Variants in CHD6 observed in about 807,000 individuals in gnomAD.
CHD6 encodes ATP-dependent chromatin remodeler CHD6.
CHD6 carries 50 observed loss-of-function variants against 276.9 expected under a neutral mutation model. That is an observed-to-expected ratio of 0.18 (90% CI 0.14 to 0.23). The LOEUF is 0.23. CHD6 is among the 10% of genes least tolerant of loss of function. CHD6 has a pLI of 1.00. For missense variants in CHD6, 2,564 were observed against 3,365.8 expected (o/e 0.76, Z 5.89); for synonymous variants, 1,173 against 1,229.3 (o/e 0.95, Z 0.96).
intron 18 of CHD6, 124 bp downstream of exon 18, chr20:41,457,140 T>TA (rs1169311833): frequency 3.6e-6 from 4 of 1,111,452 alleles, no homozygotes; most frequent in Admixed American, 5.2e-5. Flanking sequence ...AATTACCCAA[T>TA]AATGATGTGA....
At chr20:41,460,596 G>A (rs2048514606) in intron 17 of CHD6, among the ~76,000 whole-genome samples, 1 of 152,232 alleles carries the variant, frequency 6.6e-6, no homozygotes, top group South Asian at 2.1e-4. Flanking sequence ...CCAAACCTTG[G>A]CAGCTTCCAC....
chr20:41,589,978 C>T (rs1465840497), intron 1 of CHD6, among the ~76,000 whole-genome samples: 1 of 134,268 alleles, frequency 7.4e-6, no homozygotes, highest in Non-Finnish European at 1.6e-5. Flanking sequence ...TACAAGGCTA[C>T]AGTAACCAAA....
At chr20:41,492,058 C>T (rs1488236721) in intron 10 of CHD6, among the ~76,000 whole-genome samples, 1 of 152,148 alleles carries the variant, frequency 6.6e-6, no homozygotes, top group African/African-American at 2.4e-5. Flanking sequence ...TGAAACTCTC[C>T]CTGCTTTCTA....
At chr20:41,495,949 G>A (rs1215559332) in intron 8 of CHD6, among the ~76,000 whole-genome samples, 2 of 152,212 alleles carry the variant, frequency 1.3e-5, no homozygotes, top group African/African-American at 2.4e-5. Context: ...TGACTGCAGA[G>A]CCCAGGCTCT....
intron 5 of CHD6, among the ~76,000 whole-genome samples, chr20:41,502,522 A>C (rs960445017): frequency 6.6e-6 from 1 of 152,132 alleles, no homozygotes. Flanking sequence ...TGGCAATACT[A>C]CCCTGTCTTC....
intron 1 of CHD6, among the ~76,000 whole-genome samples, chr20:41,583,372 T>C (rs2045560702): frequency 6.6e-6 from 1 of 151,408 alleles, no homozygotes; most frequent in Admixed American, 6.6e-5. Flanking sequence ...CAGAGGACAA[T>C]GGAGTAATTC....
intron 3 of CHD6, among the ~76,000 whole-genome samples, chr20:41,523,626 G>GA (rs1223261144): frequency 8.6e-5 from 13 of 151,094 alleles, no homozygotes; most frequent in Middle Eastern, 3.5e-3. Context: ...GTTTGTCCTA[G>GA]AAAAAACGTG....
chr20:41,443,349 T>G (rs2145614862), intron 25 of CHD6, among the ~76,000 whole-genome samples: 1 of 152,340 alleles, frequency 6.6e-6, no homozygotes, highest in East Asian at 1.9e-4. Context: ...AACTAGAAGG[T>G]AGGGCACCAA....
intron 1 of CHD6, among the ~76,000 whole-genome samples, chr20:41,599,704 G>T (rs942242767): frequency 1.3e-5 from 2 of 152,200 alleles, no homozygotes. Context: ...CCTCTTCAAA[G>T]CTTCCTTCGT....
At chr20:41,553,797 T>C (rs965283723) in intron 1 of CHD6, among the ~76,000 whole-genome samples, 4 of 152,226 alleles carry the variant, frequency 2.6e-5, no homozygotes, top group African/African-American at 9.7e-5. Flanking sequence ...TCTAACAATT[T>C]TGGTATTTCT....
At chr20:41,472,523 TA>T (rs1198426518) in intron 17 of CHD6, among the ~76,000 whole-genome samples, 11 of 152,364 alleles carry the variant, frequency 7.2e-5, no homozygotes, top group African/African-American at 2.6e-4. Flanking sequence ...ATATGCGATA[TA>T]CACTTAAGAT....
At chr20:41,418,185 C>T (rs1029302311) in intron 31 of CHD6, among the ~76,000 whole-genome samples, 4 of 152,204 alleles carry the variant, frequency 2.6e-5, no homozygotes, top group African/African-American at 4.8e-5. Context: ...AGACAGATAC[C>T]GCCCAGGTCC....
At chr20:41,472,529 TAA>T (rs1310188219) in intron 17 of CHD6, among the ~76,000 whole-genome samples, 1 of 152,208 alleles carries the variant, frequency 6.6e-6, no homozygotes, top group South Asian at 2.1e-4. Context: ...GATATACACT[TAA>T]GATGAAGTTC....
chr20:41,470,029 C>G (rs1010306), intron 17 of CHD6, among the ~76,000 whole-genome samples: 11,389 of 152,262 alleles, frequency 0.075, 820 homozygotes, highest in East Asian at 0.31. Context: ...AGTAAATATT[C>G]TATATTTATA....
At chr20:41,526,171 G>C (rs1040611855) in intron 3 of CHD6, among the ~76,000 whole-genome samples, 3 of 151,784 alleles carry the variant, frequency 2.0e-5, no homozygotes, top group Non-Finnish European at 4.4e-5. Flanking sequence ...AAAAACCCCA[G>C]AAATAAAGAC....
intron 1 of CHD6, among the ~76,000 whole-genome samples, chr20:41,587,608 A>T (rs555995771): frequency 6.6e-6 from 1 of 152,224 alleles, no homozygotes; most frequent in East Asian, 1.9e-4. Context: ...GCAAAAGTAA[A>T]GTTCTCTCTG....
chr20:41,436,960 T>C (rs572594462), intron 27 of CHD6, among the ~76,000 whole-genome samples: 1 of 152,190 alleles, frequency 6.6e-6, no homozygotes, highest in Non-Finnish European at 1.5e-5. Flanking sequence ...CATATCAGTA[T>C]CCTGGTTGTG....
intron 8 of CHD6, among the ~76,000 whole-genome samples, chr20:41,494,689 C>T (rs1202737015): frequency 6.6e-6 from 1 of 152,164 alleles, no homozygotes; most frequent in Non-Finnish European, 1.5e-5. Flanking sequence ...TGAAGCCCTC[C>T]TCCAGGAGTG....
intron 16 of CHD6, among the ~76,000 whole-genome samples, chr20:41,481,136 C>T (rs896195186): frequency 3.3e-5 from 5 of 151,114 alleles, no homozygotes; most frequent in Admixed American, 6.6e-5. Flanking sequence ...TATATATATA[C>T]ACTTCAGAAT....
Sources: gnomAD v4.1 joint callset for allele counts (sites outside exome capture counted in the v4.1 genomes callset) on GRCh38, gnomAD v4.1.1 for gene constraint, MANE v1.5 for transcripts, NCBI Gene and HGNC (gene_info 2026-07-23, HGNC 2026-07-21) for gene names.